The following NAV3 variants were observed in gnomAD, a reference collection of about 807,000 sequenced individuals.
The protein encoded by NAV3 is pore membrane and/or filament interacting like protein 1.
Under a neutral mutation model 244.7 loss-of-function variants are expected in NAV3, and 87 were observed. The observed-to-expected ratio is 0.36, with a 90% CI of 0.30 to 0.42. NAV3 has a LOEUF of 0.42. Among genes scored for constraint, NAV3 ranks in the 20% least tolerant of loss-of-function variants. The pLI, the probability that NAV3 is intolerant of heterozygous loss-of-function variation, is 1.00. For missense variants in NAV3, 2,663 were observed against 2,893.3 expected (o/e 0.92, Z 1.83); for synonymous variants, 1,126 against 1,042.2 (o/e 1.08, Z -1.55).
intron 2 of NAV3, among the ~76,000 whole-genome samples, chr12:77,576,699 T>C (rs1869101255): frequency 6.6e-6 from 1 of 152,116 alleles, no homozygotes; most frequent in Admixed American, 6.6e-5. Flanking sequence ...TAAGATTGTT[T>C]ATGTTGGAAA....
In NAV3 at chr12:78,108,186, T is replaced by C. The variant is rs114904400; in HGVS notation, c.2637-8586T>C. 7.7e-3 allele frequency among the ~76,000 whole-genome samples: 1,171 copies of C among 152,014 alleles called. 12 individuals are homozygous for C. Among genetic ancestry groups the C allele is most frequent in the African/African-American group, 0.026 (1,092 of 41,490 alleles). Reference sequence around the variant, plus strand: ...TAAATTAGATCATACAGACTTTAAGTCAAAAAGAGTAAAATAAAAAAGACA... The same window carrying C: ...TAAATTAGATCATACAGACTTTAAGCCAAAAAGAGTAAAATAAAAAAGACA... On this transcript the variant is annotated intron_variant, in intron 12 of 39. Coordinates refer to ENST00000397909, the MANE Select transcript of NAV3 (RefSeq NM_001024383.2).
At chr12:77,737,453 T>C (rs913897119) in intron 2 of NAV3, among the ~76,000 whole-genome samples, 3 of 151,848 alleles carry the variant, frequency 2.0e-5, no homozygotes, top group Admixed American at 1.3e-4. Flanking sequence ...TCCTAGGTGC[T>C]GCTTTACTTT....
At chr12:77,741,542 C>T (rs965392481) in intron 2 of NAV3, among the ~76,000 whole-genome samples, 1 of 152,066 alleles carries the variant, frequency 6.6e-6, no homozygotes, top group East Asian at 1.9e-4. Context: ...TATTCTATGC[C>T]CCTACTTCCT....
chr12:77,879,992 C>G (rs901708952), intron 1 of NAV3, among the ~76,000 whole-genome samples: 4 of 151,922 alleles, frequency 2.6e-5, no homozygotes, highest in Non-Finnish European at 4.4e-5. Context: ...CCTGATAATC[C>G]CTGCCTTACA....
intron 2 of NAV3, among the ~76,000 whole-genome samples, chr12:77,771,367 G>A (rs1870075412): frequency 6.6e-6 from 1 of 152,110 alleles, no homozygotes. Flanking sequence ...GATTCCTCAG[G>A]GATCTAGAAC....
intron 1 of NAV3, among the ~76,000 whole-genome samples, chr12:77,869,638 C>T (rs1240951975): frequency 6.6e-6 from 1 of 152,194 alleles, no homozygotes; most frequent in African/African-American, 2.4e-5. Context: ...TTCTCAGGGC[C>T]AGCTTCCATG....
At chr12:77,841,583 G>C (rs139029253) in intron 1 of NAV3, among the ~76,000 whole-genome samples, 303 of 152,250 alleles carry the variant, frequency 2.0e-3, no homozygotes, top group Admixed American at 4.9e-3. Context: ...ATTTGGCCTG[G>C]TGCCCAGTTT....
chr12:77,670,227 C>T (rs1873906207), intron 2 of NAV3, among the ~76,000 whole-genome samples: 1 of 152,100 alleles, frequency 6.6e-6, no homozygotes, highest in South Asian at 2.1e-4. Flanking sequence ...TGTATACCAT[C>T]CTCCAAGGTT....
chr12:78,075,542 T>C (rs956253803), intron 12 of NAV3, among the ~76,000 whole-genome samples: 1 of 152,130 alleles, frequency 6.6e-6, no homozygotes, highest in African/African-American at 2.4e-5. Context: ...TTTTCCTAGA[T>C]AGGATTTGGG....
chr12:77,911,437 T>C lies in NAV3; in HGVS notation c.244-28882T>C, dbSNP rs17044447. ...GTTTTCAATCTCAATCTTATGTCTG[T>C]GCTTCTGTTAAAAGATCAACTAATA... On this transcript the variant is annotated intron_variant, in intron 1 of 39. Coordinates refer to ENST00000397909, the MANE Select transcript of NAV3 (RefSeq NM_001024383.2). Among the ~76,000 whole-genome samples the C allele has an allele frequency of 2.8e-3, 428 of 151,510 alleles. 7 individuals carry two copies. In the East Asian group the frequency reaches 0.047, roughly 17 times the overall value.
At chr12:77,866,205 A>T (rs1158670504) in intron 1 of NAV3, among the ~76,000 whole-genome samples, 1 of 152,232 alleles carries the variant, frequency 6.6e-6, no homozygotes, top group Admixed American at 6.5e-5. Flanking sequence ...TTGATAAAAT[A>T]TAAATAGTGG....
intron 1 of NAV3, among the ~76,000 whole-genome samples, chr12:77,876,479 T>C (rs1486743090): frequency 2.0e-5 from 3 of 152,088 alleles, no homozygotes; most frequent in Non-Finnish European, 4.4e-5. Context: ...GATTTAAAAA[T>C]AGTTTATCAT....
intron 11 of NAV3, among the ~76,000 whole-genome samples, chr12:78,052,440 C>T (rs11108028): frequency 0.031 from 4,746 of 152,176 alleles, 247 homozygotes; most frequent in African/African-American, 0.11. Context: ...TGGACCCCTT[C>T]GGAACCTAAC....
chr12:78,061,166 G>C (rs1884269477), intron 12 of NAV3, among the ~76,000 whole-genome samples: 1 of 152,128 alleles, frequency 6.6e-6, no homozygotes, highest in Non-Finnish European at 1.5e-5. Flanking sequence ...TCAAGGTAAG[G>C]CCTGGTAATC....
intron 2 of NAV3, among the ~76,000 whole-genome samples, chr12:77,681,233 AAAGTC>A (rs1309414772): frequency 6.6e-6 from 1 of 152,194 alleles, no homozygotes; most frequent in African/African-American, 2.4e-5. Context: ...AATAAAATTA[AAAGTC>A]ATGTTAAGAA....
chr12:77,933,485 G>A (rs77099009), intron 1 of NAV3, among the ~76,000 whole-genome samples: 2,137 of 152,272 alleles, frequency 0.014, 29 homozygotes, highest in Non-Finnish European at 0.023. Flanking sequence ...ACCATCCACC[G>A]ATCTTATGGG....
At chr12:78,075,388 A>G (rs959259040) in intron 12 of NAV3, among the ~76,000 whole-genome samples, 44 of 152,164 alleles carry the variant, frequency 2.9e-4, no homozygotes, top group African/African-American at 1.1e-3. Context: ...TTAGATTGTG[A>G]CAGAAAATCA....
At chr12:77,960,156 G>A (rs1891754663) in intron 3 of NAV3, among the ~76,000 whole-genome samples, 1 of 151,950 alleles carries the variant, frequency 6.6e-6, no homozygotes, top group African/African-American at 2.4e-5. Context: ...ATGTATATCA[G>A]AGGAGAGGCT....
At chr12:78,169,305 T>C (rs1957905863) in intron 24 of NAV3, among the ~76,000 whole-genome samples, 1 of 151,710 alleles carries the variant, frequency 6.6e-6, no homozygotes, top group South Asian at 2.1e-4. Flanking sequence ...GGGAACAACT[T>C]TTCCTGGATG....
Sources: gnomAD v4.1 joint callset for allele counts (sites outside exome capture counted in the v4.1 genomes callset) on GRCh38, gnomAD v4.1.1 for gene constraint, MANE v1.5 for transcripts, NCBI Gene and HGNC (gene_info 2026-07-23, HGNC 2026-07-21) for gene names.